Variants in RAPGEF1 observed in about 807,000 individuals in gnomAD.
RAPGEF1 encodes the protein CRK SH3-binding GNRP.
Under a neutral mutation model 143.3 loss-of-function variants are expected in RAPGEF1, and 33 were observed. That is an observed-to-expected ratio of 0.23 (90% CI 0.17 to 0.31). RAPGEF1 has a LOEUF of 0.31. Among genes scored for constraint, RAPGEF1 ranks in the 10% least tolerant of loss-of-function variants. The pLI is 1.00. For synonymous variants in RAPGEF1, 629 were observed against 676.5 expected (o/e 0.93, Z 1.09); for missense variants, 1,199 against 1,645.4 (o/e 0.73, Z 4.69).
At position 131,694,704 on chromosome 9, in the gene RAPGEF1, C is replaced by T. The variant is rs191036863; in HGVS notation, c.62-43755G>A. Among the ~76,000 whole-genome samples the T allele has an allele frequency of 4.5e-3, 682 of 152,086 alleles. 1 individual carries two copies. The highest frequency in any genetic ancestry group is 5.7e-3 in the Non-Finnish European group (391 of 68,000). On this transcript the variant is annotated intron_variant, in intron 1 of 26. Transcript: ENST00000683357. Reference sequence around the variant, plus strand: ...CCTTTCAATGAGGCCACCCCGGACACTCTCTTTAGCTCTGCAACCTGACCC... The same window carrying T: ...CCTTTCAATGAGGCCACCCCGGACATTCTCTTTAGCTCTGCAACCTGACCC...
intron 5 of RAPGEF1, among the ~76,000 whole-genome samples, chr9:131,633,000 G>A (rs978375200): frequency 7.9e-5 from 12 of 152,084 alleles, no homozygotes; most frequent in East Asian, 3.9e-4. Flanking sequence ...GAGCCACCAC[G>A]CTCAGCCAGG....
chr9:131,672,267 C>A (rs949948425), intron 1 of RAPGEF1, among the ~76,000 whole-genome samples: 9 of 152,246 alleles, frequency 5.9e-5, no homozygotes, highest in Non-Finnish European at 1.5e-5. Context: ...ACCAAGTACA[C>A]AAAATATGTC....
At chr9:131,698,533 C>G (rs578031692) in intron 1 of RAPGEF1, among the ~76,000 whole-genome samples, 1 of 152,240 alleles carries the variant, frequency 6.6e-6, no homozygotes, top group Non-Finnish European at 1.5e-5. Context: ...CCAAACGATT[C>G]CCTGCTCCTC....
chr9:131,627,854 G>C, intron 9 of RAPGEF1, 59 bp downstream of exon 9: 1 of 1,524,470 alleles, frequency 6.6e-7, no homozygotes, highest in Non-Finnish European at 8.8e-7. Context: ...ACCCAGGACT[G>C]TAATGGCCCC....
intron 1 of RAPGEF1, among the ~76,000 whole-genome samples, chr9:131,654,407 C>T (rs555644592): frequency 5.3e-5 from 8 of 152,300 alleles, no homozygotes; most frequent in Non-Finnish European, 5.9e-5. Context: ...TTAAACCTGT[C>T]TCCTCACAAG....
intron 3 of RAPGEF1, among the ~76,000 whole-genome samples, chr9:131,644,468 A>G (rs1312438179): frequency 6.6e-6 from 1 of 152,150 alleles, no homozygotes; most frequent in Non-Finnish European, 1.5e-5. Flanking sequence ...GTAGTCGATT[A>G]CATGTCTAGT....
rs528859114 is a variant in RAPGEF1 at position 131,577,079 on chromosome 9, C to G, written c.*2418G>C. 1 of 152,484 alleles carries G rather than the reference C, an allele frequency of 6.6e-6. No individual in the cohort carries two copies. Among genetic ancestry groups the G allele is most frequent in the South Asian group, 2.1e-4 (1 of 4,830 alleles). The allele number at this position is 152,484 out of a possible 1,614,324, so 9.4% of individuals were successfully genotyped here. A position where few individuals can be genotyped will look rare whatever the true frequency, so the allele number is the denominator to read the frequency against. ...TGTGAAGACTGATTCCCACAACCCGCCCGGGCCCCCCAAAGGAACAGACGA... is the reference window on the plus strand; with the variant it reads ...TGTGAAGACTGATTCCCACAACCCGGCCGGGCCCCCCAAAGGAACAGACGA... On this transcript the variant is annotated 3_prime_UTR_variant, in exon 27 of 27. Transcript: ENST00000683357.
chr9:131,626,617 G>T (rs1963166313), intron 9 of RAPGEF1, among the ~76,000 whole-genome samples, 195 bp from the exon 10 acceptor site: 1 of 152,026 alleles, frequency 6.6e-6, no homozygotes, highest in Non-Finnish European at 1.5e-5. Context: ...TGGGAATATG[G>T]CTGTTTGCTA....
intron 1 of RAPGEF1, among the ~76,000 whole-genome samples, chr9:131,657,557 A>G (rs1972812434): frequency 6.6e-6 from 1 of 152,240 alleles, no homozygotes; most frequent in Admixed American, 6.5e-5. Flanking sequence ...CTGGCCTAGC[A>G]AACAGAACCT....
intron 1 of RAPGEF1, among the ~76,000 whole-genome samples, chr9:131,661,554 A>G (rs1240271963): frequency 6.6e-6 from 1 of 152,178 alleles, no homozygotes; most frequent in Admixed American, 6.5e-5. Context: ...CAAGCTATCT[A>G]CATAAGGTAT....
At chr9:131,645,462 G>A (rs1372634013) in intron 3 of RAPGEF1, among the ~76,000 whole-genome samples, 1 of 152,256 alleles carries the variant, frequency 6.6e-6, no homozygotes, top group African/African-American at 2.4e-5. Flanking sequence ...ATTGCAGAGA[G>A]ATCAAATCAG....
At chr9:131,638,613 T>G in intron 5 of RAPGEF1, 22 bp downstream of exon 5, 1 of 1,612,778 alleles carries the variant, frequency 6.2e-7, no homozygotes, top group Non-Finnish European at 8.5e-7. Flanking sequence ...TGACTGGGAC[T>G]GTCTGGAACC....
chr9:131,641,285 C>G lies in RAPGEF1; in HGVS notation c.494+1954G>C, dbSNP rs748287097. Among the ~76,000 whole-genome samples the G allele has an allele frequency of 3.9e-5, 6 of 152,116 alleles. No homozygotes were observed. Among genetic ancestry groups the G allele is most frequent in the Non-Finnish European group, 8.8e-5 (6 of 68,002 alleles). ...TCAGTCGCCTCTTCCCACTGTTCCC[C>G]TCTCGTCCATGCTCTAGGACATATA... On this transcript the variant is annotated intron_variant, in intron 4 of 26. Transcript: ENST00000683357. The surrounding 1 kb of genome is among the most constrained non-coding windows in gnomAD (Gnocchi z 4.6).
Position 131,604,044 on chromosome 9 carries a change from C to G in RAPGEF1, c.2329G>C (p.Ala777Pro), listed in dbSNP as rs766617228. The change falls in exon 14 of 27, where the codon GCC becomes CCC. Residue 777 changes from alanine (A) to proline (P), a missense_variant. Around this residue, in one of 6 missense-constraint regions of RAPGEF1, gnomAD observed 293 missense variants for 356.2 expected, o/e 0.82. Transcript: ENST00000683357. ...TCACCCTCACCAGCTTCCTCACTGGCGTTTTCACTCTGGGGGAGACAGGAC... is the reference window on the plus strand; with the variant it reads ...TCACCCTCACCAGCTTCCTCACTGGGGTTTTCACTCTGGGGGAGACAGGAC... ...ETSFTDSSEN[A>P]SEEAGEGEYV... is the part of the protein sequence containing the mutation. The G allele has an allele frequency of 1.3e-5, 17 of 1,330,474 alleles. No homozygotes were observed. Among genetic ancestry groups the G allele is most frequent in the Admixed American group, 2.1e-5 (1 of 48,104 alleles). The allele number at this position is 1,330,474 out of a possible 1,614,324, so 82.4% of individuals were successfully genotyped here.
At chr9:131,732,484 G>A (rs1016559244) in intron 1 of RAPGEF1, among the ~76,000 whole-genome samples, 3 of 152,324 alleles carry the variant, frequency 2.0e-5, no homozygotes, top group South Asian at 2.1e-4. Context: ...CTCAAAGAAC[G>A]TGCACTGACC....
intron 6 of RAPGEF1, 72 bp downstream of exon 6, chr9:131,630,164 C>A: frequency 2.2e-6 from 3 of 1,347,820 alleles, no homozygotes; most frequent in Non-Finnish European, 2.1e-6. Flanking sequence ...CCCCACCGGG[C>A]CCTATCCTTG....
intron 1 of RAPGEF1, among the ~76,000 whole-genome samples, chr9:131,724,003 C>T (rs768606036): frequency 2.0e-5 from 3 of 152,040 alleles, no homozygotes; most frequent in Non-Finnish European, 2.9e-5. Context: ...AGTTTGACTG[C>T]TTTATTATAT....
At chr9:131,677,188 G>A (rs952664246) in intron 1 of RAPGEF1, among the ~76,000 whole-genome samples, 2 of 152,224 alleles carry the variant, frequency 1.3e-5, no homozygotes, top group African/African-American at 2.4e-5. Context: ...CACAATAAAC[G>A]TGCACGCAGC....
rs1287853185 is a variant in RAPGEF1 at position 131,675,702 on chromosome 9, G to C, written c.62-24753C>G. The stretch of plus-strand genomic sequence containing the variant: ...GTAGAGAAGAGGAATTTAAGGCAAG[G>C]GTTAGTCAGGAGCTAGTCTACTTCT... On this transcript the variant is annotated intron_variant, in intron 1 of 26. Coordinates refer to ENST00000683357, the MANE Select transcript of RAPGEF1 (RefSeq NM_001377935.1). This position sits in a 1 kb window ranked among gnomAD's most constrained non-coding sequence, Gnocchi z 4.6. Among the ~76,000 whole-genome samples the C allele has an allele frequency of 6.6e-6, 1 of 152,202 alleles. No individual in the cohort carries two copies. Among genetic ancestry groups the C allele is most frequent in the Admixed American group, 6.5e-5 (1 of 15,284 alleles).
Sources: allele counts gnomAD v4.1 joint callset (sites outside exome capture counted in the v4.1 genomes callset), GRCh38; gene constraint gnomAD v4.1.1; regional missense constraint gnomAD v4.1.1; non-coding constraint Gnocchi (gnomAD v3.1); transcripts MANE v1.5; gene names NCBI Gene and HGNC (gene_info 2026-07-23, HGNC 2026-07-21).